VTI1A: variants seen among roughly 807,000 people sequenced by gnomAD.
VTI1A encodes vesicle transport through interaction with t-SNAREs 1A.
VTI1A carries 22 observed loss-of-function variants against 34.9 expected under a neutral mutation model. The ratio of observed to expected loss-of-function variants is 0.63; its 90% CI spans 0.45 to 0.90. VTI1A has a LOEUF of 0.90. Ranked by LOEUF, VTI1A falls within the 40% of genes least tolerant of loss-of-function variation. The pLI is 0.00. For missense variants in VTI1A, 268 were observed against 275.6 expected (o/e 0.97, Z 0.20); for synonymous variants, 87 against 97.3 (o/e 0.89, Z 0.62).
chr10:112,704,612 C>T (rs1288847468), intron 7 of VTI1A, among the ~76,000 whole-genome samples: 1 of 152,070 alleles, frequency 6.6e-6, no homozygotes, highest in Non-Finnish European at 1.5e-5. Flanking sequence ...CTTGCTTTAC[C>T]CAGATAAGTG....
intron 5 of VTI1A, among the ~76,000 whole-genome samples, chr10:112,599,592 T>C (rs1844805936): frequency 6.6e-6 from 1 of 152,016 alleles, no homozygotes; most frequent in African/African-American, 2.4e-5. Flanking sequence ...TTTTTCTTTC[T>C]TTTTTTTAAA....
intron 7 of VTI1A, among the ~76,000 whole-genome samples, chr10:112,726,741 C>T (rs1345750612): frequency 6.6e-6 from 1 of 152,074 alleles, no homozygotes; most frequent in Non-Finnish European, 1.5e-5. Flanking sequence ...CTTCAAGGAG[C>T]TCAGGGTATC....
At chr10:112,517,636 G>A (rs904290145) in intron 3 of VTI1A, among the ~76,000 whole-genome samples, 3 of 152,030 alleles carry the variant, frequency 2.0e-5, no homozygotes, top group Non-Finnish European at 4.4e-5. Flanking sequence ...CATGCTGATC[G>A]TATGTAGCTT....
intron 3 of VTI1A, among the ~76,000 whole-genome samples, chr10:112,487,492 T>C (rs1848682752): frequency 6.6e-6 from 1 of 152,216 alleles, no homozygotes; most frequent in African/African-American, 2.4e-5. Context: ...AATTTGGCAT[T>C]GTAGCATTCA....
chr10:112,783,211 G>T (rs370526011), intron 7 of VTI1A, among the ~76,000 whole-genome samples: 1 of 152,208 alleles, frequency 6.6e-6, no homozygotes, highest in Non-Finnish European at 1.5e-5. Context: ...AATGTACAAT[G>T]AGTGGAATTT....
rs1846205081 is a variant in VTI1A at position 112,633,179 on chromosome 10, T to C, written c.428-35039T>C. Among the ~76,000 whole-genome samples, 3 of 152,238 alleles carry C rather than the reference T, an allele frequency of 2.0e-5. No homozygotes were observed. The South Asian group carries it at 6.2e-4, about 32-fold the overall frequency. On this transcript the variant is annotated intron_variant, in intron 5 of 7. Coordinates refer to ENST00000393077, the MANE Select transcript of VTI1A (RefSeq NM_145206.4). Reference sequence around the variant, plus strand: ...AGAGGTCTGAAGGAGAGGAGAGGTCTGATGGTGATGAAAGCCACTTTTCTA... The same window carrying C: ...AGAGGTCTGAAGGAGAGGAGAGGTCCGATGGTGATGAAAGCCACTTTTCTA...
At chr10:112,635,916 G>A (rs1846337325) in intron 5 of VTI1A, among the ~76,000 whole-genome samples, 1 of 152,190 alleles carries the variant, frequency 6.6e-6, no homozygotes. Context: ...AGGAAATGGG[G>A]AGTAAAACTT....
intron 5 of VTI1A, among the ~76,000 whole-genome samples, chr10:112,584,058 A>G (rs1844057497): frequency 6.6e-6 from 1 of 152,226 alleles, no homozygotes. Flanking sequence ...GCATAGGGGC[A>G]AATGCACTGT....
intron 5 of VTI1A, among the ~76,000 whole-genome samples, chr10:112,574,360 C>A (rs1188279664): frequency 4.6e-5 from 7 of 152,178 alleles, no homozygotes; most frequent in Non-Finnish European, 8.8e-5. Flanking sequence ...AAAACTTGTT[C>A]CACTGTTCTT....
chr10:112,537,071 G>A (rs1308524744), intron 4 of VTI1A, among the ~76,000 whole-genome samples: 1 of 151,792 alleles, frequency 6.6e-6, no homozygotes, highest in African/African-American at 2.4e-5. Context: ...CAGCCACTCA[G>A]ATAATATGTG....
intron 5 of VTI1A, among the ~76,000 whole-genome samples, chr10:112,622,190 T>C (rs117086588): frequency 0.034 from 5,159 of 152,258 alleles, 105 homozygotes; most frequent in Non-Finnish European, 0.042. Flanking sequence ...CAACATGCCA[T>C]AAGCCAGTCG....
intron 3 of VTI1A, among the ~76,000 whole-genome samples, chr10:112,491,399 T>G (rs1310423409): frequency 6.6e-6 from 1 of 152,208 alleles, no homozygotes; most frequent in Non-Finnish European, 1.5e-5. Flanking sequence ...CTCAGTTTCC[T>G]TATCTGTAAG....
chr10:112,634,257 C>G (rs1367947215), intron 5 of VTI1A: 1 of 154,128 alleles, frequency 6.5e-6, no homozygotes, highest in African/African-American at 2.4e-5. Flanking sequence ...TACAGAGACC[C>G]TCTGGGTGAC....
chr10:112,641,895 A>G (rs1029730418), intron 5 of VTI1A, among the ~76,000 whole-genome samples: 4 of 152,186 alleles, frequency 2.6e-5, no homozygotes, highest in African/African-American at 9.7e-5. Flanking sequence ...GGCCGCAGAA[A>G]GAGGAACTGT....
intron 7 of VTI1A, among the ~76,000 whole-genome samples, chr10:112,813,486 G>C (rs1853392676): frequency 6.6e-6 from 1 of 152,212 alleles, no homozygotes. Flanking sequence ...GCGGGTGACT[G>C]TGGTAAATAG....
chr10:112,681,299 T>A (rs966122474), intron 7 of VTI1A, among the ~76,000 whole-genome samples: 1 of 152,076 alleles, frequency 6.6e-6, no homozygotes, highest in East Asian at 1.9e-4. Flanking sequence ...AAGGCTGATC[T>A]CAAACTCCTG....
chr10:112,737,386 C>T lies in VTI1A; in HGVS notation c.560+68388C>T, dbSNP rs1385473819. On this transcript the variant is annotated intron_variant, in intron 7 of 7. Coordinates refer to ENST00000393077, the MANE Select transcript of VTI1A (RefSeq NM_145206.4). ...GAATTTAAATGAGCTGTGGATTATTCATTTTGTCCCATAAGAAGATAATTA... is the reference window on the plus strand; with the variant it reads ...GAATTTAAATGAGCTGTGGATTATTTATTTTGTCCCATAAGAAGATAATTA... 3 of 1,029,090 alleles carry T rather than the reference C, an allele frequency of 2.9e-6. No individual in the cohort carries two copies. The African/African-American group carries it at 5.1e-5, about 17-fold the overall frequency. The allele number at this position is 1,029,090 out of a possible 1,614,324, so 63.7% of individuals were successfully genotyped here.
At chr10:112,795,425 A>G (rs1460560111) in intron 7 of VTI1A, among the ~76,000 whole-genome samples, 1 of 134,018 alleles carries the variant, frequency 7.5e-6, no homozygotes, top group Admixed American at 7.6e-5. Flanking sequence ...CACATTCCCT[A>G]TTACTCTTTT....
the VTI1A span, among the ~76,000 whole-genome samples, chr10:112,847,457 A>G: frequency 3.2e-4 from 48 of 152,242 alleles, no homozygotes; most frequent in African/African-American, 1.2e-3. Context: ...TATCCCCTCA[A>G]AAGTCTGACA....
Sources: allele counts gnomAD v4.1 joint callset (sites outside exome capture counted in the v4.1 genomes callset), GRCh38; gene constraint gnomAD v4.1.1; transcripts MANE v1.5; gene names NCBI Gene and HGNC (gene_info 2026-07-23, HGNC 2026-07-21).